The following XRN2 variants were observed in gnomAD, a reference collection of about 807,000 sequenced individuals.
XRN2 encodes DHM1-like protein.
XRN2 carries 44 observed loss-of-function variants against 138.5 expected under a neutral mutation model. That is an observed-to-expected ratio of 0.32 (90% CI 0.25 to 0.41). XRN2 has a LOEUF of 0.41. Ranked by LOEUF, XRN2 falls within the 10% of genes least tolerant of loss-of-function variation. XRN2 has a pLI of 1.00. For missense variants in XRN2, 937 were observed against 1,169.3 expected (o/e 0.80, Z 2.90); for synonymous variants, 354 against 369.4 (o/e 0.96, Z 0.48).
intron 28 of XRN2, among the ~76,000 whole-genome samples, chr20:21,386,144 CAATT>C (rs1477214829): frequency 5.9e-5 from 9 of 152,286 alleles, no homozygotes; most frequent in African/African-American, 2.2e-4. Flanking sequence ...CACTTGAAGA[CAATT>C]AAAACATTTC....
chr20:21,340,535 G>T (rs1376393003), intron 14 of XRN2, among the ~76,000 whole-genome samples, 186 bp from the exon 15 acceptor site: 3 of 152,084 alleles, frequency 2.0e-5, no homozygotes, highest in African/African-American at 7.2e-5. Flanking sequence ...TTGTTTAGAA[G>T]GTATAAGTTA....
intron 15 of XRN2, among the ~76,000 whole-genome samples, chr20:21,342,089 A>ATTCG (rs1362248183): frequency 6.6e-6 from 1 of 152,136 alleles, no homozygotes; most frequent in Non-Finnish European, 1.5e-5. Context: ...GAGGTATGGA[A>ATTCG]TTCGAATCTT....
At chr20:21,352,506 T>G (rs1473004488) in intron 20 of XRN2, among the ~76,000 whole-genome samples, 1 of 152,046 alleles carries the variant, frequency 6.6e-6, no homozygotes, top group Non-Finnish European at 1.5e-5. Flanking sequence ...TTTTTTTGTA[T>G]TTTTTGTAGA....
At chr20:21,355,422 C>G (rs1004568849) in intron 21 of XRN2, among the ~76,000 whole-genome samples, 2 of 152,220 alleles carry the variant, frequency 1.3e-5, no homozygotes, top group East Asian at 1.9e-4. Flanking sequence ...TAATAAGCCT[C>G]TAGAAACAAT....
chr20:21,320,585 C>T (rs2038025826), intron 1 of XRN2, among the ~76,000 whole-genome samples: 1 of 150,582 alleles, frequency 6.6e-6, no homozygotes, highest in Non-Finnish European at 1.5e-5. Context: ...AGGCGTGAGC[C>T]ACCACGCCCG....
At position 21,333,684 on chromosome 20, in the gene XRN2, G is replaced by A; in HGVS notation, c.934-20G>A. 1.2e-6 allele frequency: 2 copies of A among 1,614,022 alleles called. No individual in the cohort carries two copies. The highest frequency in any genetic ancestry group is 1.1e-5 in the South Asian group (1 of 91,070). On this transcript the variant is annotated intron_variant, in intron 10 of 29. Coordinates refer to ENST00000377191, the MANE Select transcript of XRN2 (RefSeq NM_012255.5). The stretch of plus-strand genomic sequence containing the variant: ...GGTGCCTTTGATAGCTGTAATGGCA[G>A]CATTCCTTTTTGGTTGTAGTATTTG...
rs567378165 is a variant in XRN2, at chr20:21,368,450, G to C, written c.2457-13G>C. On this transcript the variant is annotated splice_polypyrimidine_tract_variant and intron_variant, in intron 26 of 29. Coordinates refer to ENST00000377191, the MANE Select transcript of XRN2 (RefSeq NM_012255.5). ...TATACAATTTTTTTTTCTTGTGTTG[G>C]GTCCTTTTATAGCCATGTGATGCCA... 2 of 1,611,390 alleles carry C rather than the reference G, an allele frequency of 1.2e-6. No homozygotes were observed. The highest frequency in any genetic ancestry group is 1.7e-6 in the Non-Finnish European group (2 of 1,179,078).
chr20:21,312,720 C>G (rs2122166695), intron 1 of XRN2, among the ~76,000 whole-genome samples: 1 of 151,600 alleles, frequency 6.6e-6, no homozygotes, highest in South Asian at 2.1e-4. Context: ...AGCCATTCTT[C>G]CTCAGCCTCC....
chr20:21,319,833 T>C (rs1166528402), intron 1 of XRN2, among the ~76,000 whole-genome samples: 9 of 152,180 alleles, frequency 5.9e-5, no homozygotes, highest in Non-Finnish European at 1.3e-4. Context: ...TTTGTTTCCA[T>C]CCACCCCTTT....
chr20:21,375,738 G>C (rs756227346), intron 27 of XRN2, among the ~76,000 whole-genome samples: 43 of 151,800 alleles, frequency 2.8e-4, no homozygotes, highest in Non-Finnish European at 6.0e-4. Context: ...CTAAATAAGA[G>C]TATACCAATT....
At chr20:21,319,106 G>C (rs1219932003) in intron 1 of XRN2, among the ~76,000 whole-genome samples, 1 of 151,932 alleles carries the variant, frequency 6.6e-6, no homozygotes, top group Non-Finnish European at 1.5e-5. Context: ...TTTCTTGATG[G>C]ATTTACTTTT....
intron 24 of XRN2, among the ~76,000 whole-genome samples, chr20:21,364,831 G>C (rs538010844): frequency 6.6e-6 from 1 of 150,712 alleles, no homozygotes; most frequent in South Asian, 2.1e-4. Flanking sequence ...GCATATTTGT[G>C]TAGTTTTCAA....
At chr20:21,340,899 A>G in intron 15 of XRN2, 47 bp downstream of exon 15, 5 of 1,608,384 alleles carry the variant, frequency 3.1e-6, no homozygotes, top group Non-Finnish European at 3.4e-6. Flanking sequence ...TGAATATCAC[A>G]TACCTCTTGC....
At chr20:21,339,443 A>G (rs893805856) in intron 14 of XRN2, among the ~76,000 whole-genome samples, 17 of 152,202 alleles carry the variant, frequency 1.1e-4, no homozygotes. Context: ...TAATCTTTCT[A>G]GAACACAACA....
chr20:21,334,223 G>GTC, intron 13 of XRN2, 38 bp downstream of exon 13: 1 of 1,513,678 alleles, frequency 6.6e-7, no homozygotes. Flanking sequence ...AATTGCTCCT[G>GTC]TCTCTAATAG....
At chr20:21,372,004 AATGTGT>A (rs1185758606) in intron 27 of XRN2, among the ~76,000 whole-genome samples, 1 of 152,246 alleles carries the variant, frequency 6.6e-6, no homozygotes, top group Non-Finnish European at 1.5e-5. Context: ...TATTAGATTT[AATGTGT>A]ACTTACAAAG....
chr20:21,368,429 C>T, intron 26 of XRN2, 34 bp from the exon 27 acceptor site: 1 of 1,611,304 alleles, frequency 6.2e-7, no homozygotes, highest in East Asian at 2.2e-5. Flanking sequence ...TATCACTATA[C>T]AATTTTTTTT....
chr20:21,348,249 A>G lies in XRN2; in HGVS notation c.1769A>G (p.Lys590Arg), dbSNP rs1435802482. The G allele has an allele frequency of 6.2e-7, 1 of 1,613,608 alleles. No homozygotes were observed. Among genetic ancestry groups the G allele is most frequent in the Admixed American group, 1.7e-5 (1 of 59,932 alleles). Residue 590 changes from lysine (K) to arginine (R), a missense_variant, in exon 18 of 30, where the codon AAA becomes AGA. By Grantham distance (26) the Lys-to-Arg change is conservative (BLOSUM62 2). This residue lies in a region of XRN2 where 471 missense variants were observed against 581.2 expected (regional missense o/e 0.81). Transcript: ENST00000377191. ...CCATCTGATTTTGAGAAGGGTACGA[A>G]ACCGGTAAGCTTAATTACTTAAAGT... ...DMPSDFEKGT[K>R]PFKPLEQLMG... is the part of the protein sequence containing the mutation.
intron 28 of XRN2, among the ~76,000 whole-genome samples, chr20:21,385,717 G>A (rs749562444): frequency 6.6e-5 from 10 of 152,198 alleles, no homozygotes; most frequent in Non-Finnish European, 1.3e-4. Flanking sequence ...GGGGTAGAGA[G>A]GATGGATTCA....
Sources: gnomAD v4.1 joint callset for allele counts (sites outside exome capture counted in the v4.1 genomes callset) on GRCh38, gnomAD v4.1.1 for gene constraint, gnomAD v4.1.1 regional missense constraint, MANE v1.5 for transcripts, NCBI Gene and HGNC (gene_info 2026-07-23, HGNC 2026-07-21) for gene names.